The following ADAMTSL1 variants were observed in gnomAD, a reference collection of about 807,000 sequenced individuals.
The protein encoded by ADAMTSL1 is ADAMTS-like protein 1.
In ADAMTSL1, 126 loss-of-function variants were observed where a neutral mutation model predicts 201.8. That is an observed-to-expected ratio of 0.62 (90% confidence interval 0.54 to 0.72). The LOEUF (loss-of-function observed/expected upper bound fraction) is 0.72. Ranked by LOEUF, ADAMTSL1 falls within the 30% of genes least tolerant of loss-of-function variation. ADAMTSL1 has a pLI of 0.00. For missense variants in ADAMTSL1, 2,679 were observed against 2,277.8 expected (o/e 1.18, Z -3.59); for synonymous variants, 1,121 against 903.4 (o/e 1.24, Z -4.32).
intron 2 of ADAMTSL1, among the ~76,000 whole-genome samples, chr9:18,169,997 T>G (rs755274587): frequency 6.6e-6 from 1 of 152,008 alleles, no homozygotes; most frequent in South Asian, 2.1e-4. Context: ...AAGCATAGAT[T>G]TGGTTACAGC....
intron 7 of ADAMTSL1, among the ~76,000 whole-genome samples, chr9:18,639,690 G>A (rs1314144579): frequency 6.6e-6 from 1 of 152,034 alleles, no homozygotes; most frequent in Non-Finnish European, 1.5e-5. Context: ...TGTATCATAA[G>A]TTGGTGGCTA....
intron 4 of ADAMTSL1, among the ~76,000 whole-genome samples, chr9:18,611,707 A>G (rs2132608907): frequency 6.6e-6 from 1 of 152,324 alleles, no homozygotes; most frequent in African/African-American, 2.4e-5. Flanking sequence ...CAAGAAAGGC[A>G]ATATAGGAAA....
rs144410880 is a variant in ADAMTSL1, at chr9:18,104,468, C to A, written c.88-59394C>A. Among the ~76,000 whole-genome samples, 110 of 152,276 alleles carry A rather than the reference C, an allele frequency of 7.2e-4. 2 individuals carry two copies. Among genetic ancestry groups the A allele is most frequent in the African/African-American group, 2.6e-3 (110 of 41,562 alleles). On this transcript the variant is annotated intron_variant, in intron 1 of 29. Coordinates refer to the ADAMTSL1 transcript ENST00000680146. ...AGCTCTTTTCCTGGTCTGCCAGCTT[C>A]CAGTCACCACCAGTGCTGCCCATAA...
chr9:18,225,682 A>G (rs1830412130), intron 2 of ADAMTSL1, among the ~76,000 whole-genome samples: 3 of 152,120 alleles, frequency 2.0e-5, no homozygotes, highest in African/African-American at 4.8e-5. Context: ...TAATAGAAGT[A>G]TTGATTTGTT....
intron 2 of ADAMTSL1, among the ~76,000 whole-genome samples, chr9:18,512,252 A>G (rs1818080907): frequency 6.6e-6 from 1 of 152,126 alleles, no homozygotes; most frequent in South Asian, 2.1e-4. Flanking sequence ...TTGTTCCAAG[A>G]TCTGATCTCC....
chr9:17,962,920 G>A (rs2772687), intron 1 of ADAMTSL1, among the ~76,000 whole-genome samples: 93,124 of 152,078 alleles, frequency 0.61, 28,970 homozygotes, highest in East Asian at 0.92. Context: ...TTGGTATTCA[G>A]GGAGCCACAT....
At chr9:18,186,986 A>G (rs1828766807) in intron 2 of ADAMTSL1, among the ~76,000 whole-genome samples, 1 of 152,084 alleles carries the variant, frequency 6.6e-6, no homozygotes, top group African/African-American at 2.4e-5. Flanking sequence ...TCTAAATCCC[A>G]TGTCTAACTC....
chr9:18,540,372 A>C (rs1378701812), intron 3 of ADAMTSL1, among the ~76,000 whole-genome samples: 2 of 152,254 alleles, frequency 1.3e-5, no homozygotes, highest in Non-Finnish European at 2.9e-5. Context: ...ATTATGAAAG[A>C]AATAAAGCAG....
chr9:18,267,862 C>T (rs1363631160), intron 2 of ADAMTSL1, among the ~76,000 whole-genome samples: 2 of 150,378 alleles, frequency 1.3e-5, no homozygotes, highest in South Asian at 2.1e-4. Context: ...TTGAAACATA[C>T]ATTCTTCTTT....
At chr9:18,236,371 G>A (rs1830849294) in intron 2 of ADAMTSL1, among the ~76,000 whole-genome samples, 2 of 152,190 alleles carry the variant, frequency 1.3e-5, no homozygotes, top group Non-Finnish European at 2.9e-5. Context: ...ACCACGCATG[G>A]CCTGTCTGTG....
chr9:18,171,431 CA>C (rs1170739228), intron 2 of ADAMTSL1, among the ~76,000 whole-genome samples: 1 of 152,006 alleles, frequency 6.6e-6, no homozygotes. Context: ...ATTATATTAA[CA>C]TTTTAATGGC....
At chr9:18,464,399 A>G (rs1207630213) in intron 2 of ADAMTSL1, among the ~76,000 whole-genome samples, 4 of 152,232 alleles carry the variant, frequency 2.6e-5, no homozygotes, top group Non-Finnish European at 5.9e-5. Context: ...AAATTATACT[A>G]TTGTACATTG....
At chr9:18,407,268 A>G (rs1047508213) in intron 2 of ADAMTSL1, among the ~76,000 whole-genome samples, 7 of 152,212 alleles carry the variant, frequency 4.6e-5, no homozygotes, top group Admixed American at 2.0e-4. Flanking sequence ...AATTTTGTCA[A>G]ATGATTGAGC....
intron 23 of ADAMTSL1, 27 bp from the exon 24 acceptor site, chr9:18,887,804 G>C: frequency 6.3e-7 from 1 of 1,595,522 alleles, no homozygotes; most frequent in East Asian, 2.2e-5. Context: ...GCTTTACTAA[G>C]GCTTACTTCT....
chr9:17,939,906 G>C (rs1190458963), intron 1 of ADAMTSL1, among the ~76,000 whole-genome samples: 1 of 152,124 alleles, frequency 6.6e-6, no homozygotes, highest in Non-Finnish European at 1.5e-5. Flanking sequence ...TTAAGGAAAG[G>C]GAGGGTTTCT....
At chr9:18,017,791 C>T (rs1181746185) in intron 1 of ADAMTSL1, among the ~76,000 whole-genome samples, 1 of 151,936 alleles carries the variant, frequency 6.6e-6, no homozygotes, top group Non-Finnish European at 1.5e-5. Flanking sequence ...TTCCCTGCCG[C>T]CATTAAAATT....
chr9:18,460,164 G>C (rs1820755176), intron 2 of ADAMTSL1, among the ~76,000 whole-genome samples: 1 of 152,136 alleles, frequency 6.6e-6, no homozygotes. Context: ...TTCATGATCA[G>C]CTAAGCCGCT....
chr9:18,225,765 G>A (rs769940372), intron 2 of ADAMTSL1, among the ~76,000 whole-genome samples: 19 of 152,040 alleles, frequency 1.2e-4, no homozygotes, highest in East Asian at 1.9e-4. Context: ...CTCTTGGGCC[G>A]TTAAAATTAA....
In ADAMTSL1 at chr9:18,062,308, A is replaced by G. The variant is rs1822492450; in HGVS notation, c.88-101554A>G. ...ATCTTTTCAGGTAAAGGTAAATCTA[A>G]GTTTGATATTGAGTTAAAAGTATTG... On this transcript the variant is annotated intron_variant, in intron 1 of 29. Transcript: ENST00000680146. Among the ~76,000 whole-genome samples, 4 of 152,216 alleles carry G rather than the reference A, an allele frequency of 2.6e-5. No individual in the cohort carries two copies. In the South Asian group the frequency reaches 6.2e-4, roughly 24 times the overall value.
Sources: allele counts gnomAD v4.1 joint callset (sites outside exome capture counted in the v4.1 genomes callset), GRCh38; gene constraint gnomAD v4.1.1; transcripts MANE v1.5; gene names NCBI Gene and HGNC (gene_info 2026-07-23, HGNC 2026-07-21).